Variants in ERBB4 observed in about 807,000 individuals in gnomAD.
The protein encoded by ERBB4 is erb-b2 receptor tyrosine kinase 4, also known as receptor tyrosine-protein kinase erbB-4.
In ERBB4, 42 loss-of-function variants were observed where a neutral mutation model predicts 158.0. That is an observed-to-expected ratio of 0.27 (90% CI 0.21 to 0.34). The LOEUF (loss-of-function observed/expected upper bound fraction) is 0.34, where lower values mean the gene tolerates loss of function less well. ERBB4 is among the 10% of genes least tolerant of loss of function. ERBB4 has a pLI of 1.00. For synonymous variants in ERBB4, 583 were observed against 558.7 expected (o/e 1.04, Z -0.61); for missense variants, 1,333 against 1,624.1 (o/e 0.82, Z 3.08).
intron 1 of ERBB4, among the ~76,000 whole-genome samples, chr2:212,215,666 G>A (rs1447696113): frequency 6.6e-6 from 1 of 151,078 alleles, no homozygotes; most frequent in Non-Finnish European, 1.5e-5. Context: ...TTATTATCAA[G>A]CTGTGAAGTC....
intron 19 of ERBB4, among the ~76,000 whole-genome samples, chr2:211,601,367 A>C (rs1304050894): frequency 1.3e-5 from 2 of 152,050 alleles, no homozygotes; most frequent in Non-Finnish European, 2.9e-5. Flanking sequence ...AAGTGTGAAA[A>C]ATATTATCAA....
At chr2:211,403,681 A>G (rs1288112619) in intron 25 of ERBB4, among the ~76,000 whole-genome samples, 1 of 152,176 alleles carries the variant, frequency 6.6e-6, no homozygotes, top group African/African-American at 2.4e-5. Flanking sequence ...CTCAATGCCA[A>G]TTCTTTAAGA....
chr2:212,475,568 C>G (rs1326584601), intron 1 of ERBB4, among the ~76,000 whole-genome samples: 2 of 152,144 alleles, frequency 1.3e-5, no homozygotes, highest in Non-Finnish European at 2.9e-5. Context: ...ATAATTCTAT[C>G]ATTTCAATTA....
chr2:212,037,823 C>G (rs2077050281), intron 2 of ERBB4, among the ~76,000 whole-genome samples: 1 of 152,136 alleles, frequency 6.6e-6, no homozygotes, highest in South Asian at 2.1e-4. Flanking sequence ...AAATTCTAAT[C>G]AGATAAAAAC....
intron 20 of ERBB4, among the ~76,000 whole-genome samples, chr2:211,531,996 A>G (rs1343071931): frequency 6.6e-6 from 1 of 152,098 alleles, no homozygotes; most frequent in African/African-American, 2.4e-5. Flanking sequence ...AACAACATGG[A>G]TGGAACTGGA....
intron 1 of ERBB4, among the ~76,000 whole-genome samples, chr2:212,230,978 T>G (rs947883516): frequency 6.6e-6 from 1 of 152,176 alleles, no homozygotes; most frequent in Non-Finnish European, 1.5e-5. Context: ...TGCAAAATAC[T>G]GTCATATTTA....
chr2:211,773,360 T>TA (rs1575125148), intron 4 of ERBB4, among the ~76,000 whole-genome samples: 2 of 151,602 alleles, frequency 1.3e-5, no homozygotes, highest in East Asian at 3.9e-4. Context: ...TACATAAATG[T>TA]TTACTTTTTA....
intron 19 of ERBB4, among the ~76,000 whole-genome samples, chr2:211,596,150 T>C (rs1364613111): frequency 6.6e-6 from 1 of 152,114 alleles, no homozygotes; most frequent in Non-Finnish European, 1.5e-5. Flanking sequence ...ACTACATGTT[T>C]AATTCAATGT....
intron 1 of ERBB4, among the ~76,000 whole-genome samples, chr2:212,144,718 T>G (rs935067334): frequency 2.0e-5 from 3 of 152,206 alleles, no homozygotes; most frequent in African/African-American, 7.2e-5. Flanking sequence ...CATGGAGACC[T>G]CAAATTTTGT....
chr2:211,515,896 T>TTTTATATATATATATATATA (rs1394844699), intron 20 of ERBB4, among the ~76,000 whole-genome samples: 45 of 88,892 alleles, frequency 5.1e-4, no homozygotes, highest in African/African-American at 9.4e-4. Context: ...AAAACATATA[T>TTTTATATATATATATATATA]TATATATATA....
intron 15 of ERBB4, among the ~76,000 whole-genome samples, chr2:211,665,070 T>C (rs530310143): frequency 5.3e-5 from 8 of 152,368 alleles, no homozygotes; most frequent in African/African-American, 1.2e-4. Flanking sequence ...ATCCAAAGTA[T>C]ACCTGACACT....
chr2:212,069,355 T>G (rs2078040924), intron 2 of ERBB4, among the ~76,000 whole-genome samples: 1 of 151,984 alleles, frequency 6.6e-6, no homozygotes, highest in East Asian at 1.9e-4. Context: ...AAAGAGCATT[T>G]AAGAAAAATC....
intron 3 of ERBB4, among the ~76,000 whole-genome samples, chr2:211,927,413 G>T (rs1311687862): frequency 1.3e-5 from 2 of 152,070 alleles, no homozygotes; most frequent in South Asian, 2.1e-4. Context: ...TTAATTAAAA[G>T]AATTCAACGT....
chr2:211,575,639 A>G (rs1225467504), intron 19 of ERBB4, among the ~76,000 whole-genome samples: 5 of 152,176 alleles, frequency 3.3e-5, no homozygotes, highest in Non-Finnish European at 7.4e-5. Flanking sequence ...TTTAATCTGT[A>G]AGAATAATCT....
At chr2:211,465,572 C>A (rs1559195659) in intron 20 of ERBB4, among the ~76,000 whole-genome samples, 1 of 151,904 alleles carries the variant, frequency 6.6e-6, no homozygotes, top group Non-Finnish European at 1.5e-5. Context: ...ACTTTTGAAG[C>A]CTAAATGACA....
intron 1 of ERBB4, among the ~76,000 whole-genome samples, chr2:212,340,870 G>A (rs2088676284): frequency 6.6e-6 from 1 of 152,090 alleles, no homozygotes; most frequent in Admixed American, 6.6e-5. Flanking sequence ...GATGCTACTA[G>A]TATTTTCCTA....
intron 19 of ERBB4, among the ~76,000 whole-genome samples, chr2:211,583,311 T>A (rs888774634): frequency 1.3e-5 from 2 of 151,988 alleles, no homozygotes; most frequent in Non-Finnish European, 2.9e-5. Context: ...TTTCAATGTC[T>A]ACACAGATAA....
At chr2:211,777,422 C>G (rs2075909286) in intron 4 of ERBB4, 3 of 152,142 alleles carry the variant, frequency 2.0e-5, no homozygotes, top group Admixed American at 2.0e-4. Context: ...CCAAACATTA[C>G]CACTCTAAAT....
At chr2:211,513,457 C>A (rs1019364775) in intron 20 of ERBB4, among the ~76,000 whole-genome samples, 1 of 150,926 alleles carries the variant, frequency 6.6e-6, no homozygotes, top group Non-Finnish European at 1.5e-5. Flanking sequence ...GTGTTGTGAT[C>A]CTAGACCTTT....
Sources: gnomAD v4.1 joint callset for allele counts (sites outside exome capture counted in the v4.1 genomes callset) on GRCh38, gnomAD v4.1.1 for gene constraint, MANE v1.5 for transcripts, NCBI Gene and HGNC (gene_info 2026-07-23, HGNC 2026-07-21) for gene names.